The following STEAP1B variants were observed in gnomAD, a reference collection of about 807,000 sequenced individuals.
The protein encoded by STEAP1B is STEAP family member 1B.
Under a neutral mutation model 27.9 loss-of-function variants are expected in STEAP1B, and 13 were observed. The observed-to-expected ratio is 0.47, with a 90% CI of 0.30 to 0.74. The LOEUF is 0.74. STEAP1B is among the 30% of genes least tolerant of loss of function. The pLI is 0.06. For missense variants in STEAP1B, 250 were observed against 298.7 expected (o/e 0.84, Z 1.20); for synonymous variants, 86 against 107.1 (o/e 0.80, Z 1.22).
At chr7:22,451,688 A>C (rs1003891141) in intron 4 of STEAP1B, among the ~76,000 whole-genome samples, 2 of 152,136 alleles carry the variant, frequency 1.3e-5, no homozygotes, top group Non-Finnish European at 2.9e-5. Flanking sequence ...TATCATATTG[A>C]TTGATTTGTG....
At chr7:22,473,810 T>A (rs375539576) in intron 4 of STEAP1B, among the ~76,000 whole-genome samples, 13 of 152,224 alleles carry the variant, frequency 8.5e-5, no homozygotes, top group African/African-American at 3.1e-4. Context: ...GTAGGCTAGA[T>A]CACACCAGGA....
chr7:22,476,976 T>C (rs7795410), intron 4 of STEAP1B, among the ~76,000 whole-genome samples: 24,205 of 152,174 alleles, frequency 0.16, 2,002 homozygotes, highest in African/African-American at 0.21. Context: ...CACTCACAGT[T>C]CCTTGCTATG....
intron 4 of STEAP1B, chr7:22,438,480 C>A: frequency 6.5e-7 from 1 of 1,546,474 alleles, no homozygotes; most frequent in South Asian, 1.2e-5. Context: ...TTCTCACTTT[C>A]ATGCATGCTT....
At chr7:22,437,917 G>A (rs182793854) in intron 4 of STEAP1B, among the ~76,000 whole-genome samples, 333 of 152,196 alleles carry the variant, frequency 2.2e-3, no homozygotes, top group South Asian at 4.6e-3. Flanking sequence ...TTGGGAAAAC[G>A]TCTATTCATT....
chr7:22,467,671 T>G, intron 4 of STEAP1B, among the ~76,000 whole-genome samples: 1 of 152,194 alleles, frequency 6.6e-6, no homozygotes, highest in East Asian at 1.9e-4. Context: ...GATCTCACTC[T>G]TCTCTTGTCT....
At chr7:22,423,417 A>G (rs1392549684) in intron 4 of STEAP1B, among the ~76,000 whole-genome samples, 1 of 152,236 alleles carries the variant, frequency 6.6e-6, no homozygotes, top group Non-Finnish European at 1.5e-5. Context: ...GTCAGTGGAC[A>G]ATTATTCAGC....
chr7:22,422,580 G>A (rs1191455799), intron 4 of STEAP1B, among the ~76,000 whole-genome samples: 3 of 150,866 alleles, frequency 2.0e-5, no homozygotes, highest in South Asian at 2.1e-4. Context: ...TGCAACTTCC[G>A]CCTCCTAGGT....
intron 4 of STEAP1B, among the ~76,000 whole-genome samples, chr7:22,484,393 T>C (rs1786138373): frequency 6.6e-6 from 1 of 152,200 alleles, no homozygotes; most frequent in Non-Finnish European, 1.5e-5. Flanking sequence ...GCTCTAGACA[T>C]GGCACAAAAC....
intron 4 of STEAP1B, among the ~76,000 whole-genome samples, chr7:22,472,218 G>A (rs980082596): frequency 6.6e-6 from 1 of 152,184 alleles, no homozygotes; most frequent in Non-Finnish European, 1.5e-5. Context: ...ACCTAAGCTT[G>A]TGGTAGTTCA....
intron 4 of STEAP1B, among the ~76,000 whole-genome samples, chr7:22,455,929 T>C (rs1161465327): frequency 2.0e-5 from 3 of 152,158 alleles, no homozygotes; most frequent in African/African-American, 4.8e-5. Flanking sequence ...GGGCAGATCA[T>C]GAGGTCAGGA....
chr7:22,476,559 A>G (rs1397313268), intron 4 of STEAP1B, among the ~76,000 whole-genome samples: 1 of 152,172 alleles, frequency 6.6e-6, no homozygotes, highest in Non-Finnish European at 1.5e-5. Context: ...TCCACATTTC[A>G]TGGGATGTTA....
chr7:22,436,883 G>A (rs1044075092), intron 4 of STEAP1B, among the ~76,000 whole-genome samples: 2 of 152,172 alleles, frequency 1.3e-5, no homozygotes, highest in African/African-American at 2.4e-5. Flanking sequence ...ATAATAGAAC[G>A]ATTTATATTC....
At chr7:22,442,796 G>A (rs2686527) in intron 4 of STEAP1B, among the ~76,000 whole-genome samples, 53,515 of 152,028 alleles carry the variant, frequency 0.35, 9,450 homozygotes, top group Middle Eastern at 0.45. Flanking sequence ...CTGGGTTGCC[G>A]CCATGACAAT....
At chr7:22,436,858 G>C (rs1422669046) in intron 4 of STEAP1B, among the ~76,000 whole-genome samples, 2 of 152,168 alleles carry the variant, frequency 1.3e-5, no homozygotes, top group Non-Finnish European at 2.9e-5. Flanking sequence ...TGAACATACA[G>C]GTGCATGTGT....
intron 4 of STEAP1B, among the ~76,000 whole-genome samples, chr7:22,480,084 G>A (rs561907423): frequency 3.3e-5 from 5 of 152,208 alleles, no homozygotes; most frequent in South Asian, 2.1e-4. Flanking sequence ...CTGTCATACA[G>A]TGTTGTTCTA....
At chr7:22,458,124 C>A (rs1269050954) in intron 4 of STEAP1B, among the ~76,000 whole-genome samples, 1 of 152,178 alleles carries the variant, frequency 6.6e-6, no homozygotes, top group Non-Finnish European at 1.5e-5. Context: ...ATCATTTTGA[C>A]CATGAGGAGC....
intron 4 of STEAP1B, among the ~76,000 whole-genome samples, chr7:22,451,205 G>A (rs28825140): frequency 6.8e-6 from 1 of 148,034 alleles, no homozygotes; most frequent in African/African-American, 2.5e-5. Flanking sequence ...AAAAAAAAAA[G>A]AAAAGAAAAT....
At chr7:22,446,639 G>A (rs1785413268) in intron 4 of STEAP1B, among the ~76,000 whole-genome samples, 1 of 152,236 alleles carries the variant, frequency 6.6e-6, no homozygotes, top group Admixed American at 6.5e-5. Flanking sequence ...ATTGGAATAT[G>A]AATGCTAATC....
intron 4 of STEAP1B, among the ~76,000 whole-genome samples, chr7:22,467,614 G>A (rs1785807488): frequency 6.6e-6 from 1 of 152,180 alleles, no homozygotes; most frequent in South Asian, 2.1e-4. Context: ...AGTGAGTTAA[G>A]TCTCTCAAGA....
Sources: allele counts gnomAD v4.1 joint callset (sites outside exome capture counted in the v4.1 genomes callset), GRCh38; gene constraint gnomAD v4.1.1; transcripts MANE v1.5; gene names NCBI Gene and HGNC (gene_info 2026-07-23, HGNC 2026-07-21).